The following UNK variants were observed in gnomAD, a reference collection of about 807,000 sequenced individuals.
UNK encodes unk zinc finger, also known as RING finger protein unkempt homolog.
A neutral mutation model predicts 97.6 loss-of-function variants in UNK; 32 were observed. That is an observed-to-expected ratio of 0.33 (90% CI 0.25 to 0.44). UNK has a LOEUF of 0.44. Among genes scored for constraint, UNK ranks in the 20% least tolerant of loss-of-function variants. UNK has a pLI of 1.00. For synonymous variants in UNK, 441 were observed against 461.2 expected (o/e 0.96, Z 0.56); for missense variants, 771 against 1,098.4 (o/e 0.70, Z 4.21).
rs776932753 is a variant in UNK, at chr17:75,823,334, G to A, written c.2089G>A (p.Glu697Lys). The A allele has an allele frequency of 6.0e-5, 96 of 1,611,268 alleles. No homozygotes were observed. Among genetic ancestry groups the A allele is most frequent in the Non-Finnish European group, 7.1e-5 (84 of 1,179,122 alleles). ...ERASAAGAECELAREQRDALE... is the reference protein window; with the variant it reads ...ERASAAGAECKLAREQRDALE... The stretch of plus-strand genomic sequence containing the variant: ...GGCCAGTGCGGCGGGCGCCGAGTGC[G>A]AGCTGGCCCGGGAGCAGCGGGATGC... The change falls in exon 15 of 16, where the codon GAG (glutamate) becomes AAG (lysine). Residue 697 changes from glutamate (E) to lysine (K), a missense_variant. Physicochemically the swap from Glu to Lys is moderately conservative, Grantham distance 56 (BLOSUM62 1). This residue lies in a region of UNK where 208 missense variants were observed against 257.4 expected (regional missense o/e 0.81). Transcript: ENST00000589666.
At chr17:75,821,856 T>G in intron 13 of UNK, 1 of 389,918 alleles carries the variant, frequency 2.6e-6, no homozygotes, top group East Asian at 7.2e-5. Flanking sequence ...GCACGCAGCA[T>G]AGTTGACTGG....
intron 1 of UNK, among the ~76,000 whole-genome samples, chr17:75,789,552 G>A (rs1167762495): frequency 2.6e-5 from 4 of 152,078 alleles, no homozygotes; most frequent in Admixed American, 2.6e-4. Context: ...TAGCCAGGAT[G>A]GTCTCGATCT....
intron 1 of UNK, among the ~76,000 whole-genome samples, chr17:75,809,527 C>T (rs981934145): frequency 4.6e-5 from 7 of 152,232 alleles, no homozygotes; most frequent in African/African-American, 9.6e-5. Context: ...AGCTGACCGC[C>T]GAGGTCCCTG....
At chr17:75,821,216 T>A (rs1380857775) in intron 13 of UNK, 1 of 349,372 alleles carries the variant, frequency 2.9e-6, no homozygotes, top group Non-Finnish European at 5.8e-6. Context: ...CATGCCCAGC[T>A]TCTGGTGGCG....
intron 13 of UNK, chr17:75,821,416 G>A (rs770273493): frequency 4.4e-6 from 2 of 454,658 alleles, no homozygotes; most frequent in Non-Finnish European, 8.9e-6. Context: ...CTGGACAGCA[G>A]AGTCAGGAGA....
intron 2 of UNK, 79 bp from the exon 3 acceptor site, chr17:75,812,033 T>C (rs1418294176): frequency 2.1e-6 from 3 of 1,443,600 alleles, no homozygotes; most frequent in Non-Finnish European, 2.8e-6. Context: ...CAAAAACAGT[T>C]GGGGTAAGGG....
intron 6 of UNK, 82 bp downstream of exon 6, chr17:75,813,960 CCCATCCTGATG>C: frequency 7.8e-7 from 1 of 1,279,340 alleles, no homozygotes; most frequent in Admixed American, 2.3e-5. Flanking sequence ...GTTGGCAGAA[CCCATCCTGATG>C]CCATCCTGGA....
At chr17:75,800,109 T>C (rs919454206) in intron 1 of UNK, among the ~76,000 whole-genome samples, 2 of 152,160 alleles carry the variant, frequency 1.3e-5, no homozygotes, top group Non-Finnish European at 2.9e-5. Context: ...CAGTCTATCC[T>C]CCTGGCTGGA....
intron 1 of UNK, among the ~76,000 whole-genome samples, chr17:75,804,678 A>G (rs962023166): frequency 6.6e-6 from 1 of 151,242 alleles, no homozygotes; most frequent in Non-Finnish European, 1.5e-5. Context: ...GTCTCTACTA[A>G]AAAATACAAA....
In UNK at chr17:75,809,880, C is replaced by A. The variant is rs1466613875; in HGVS notation, c.225C>A (p.Ile75=). Residue 75 remains isoleucine, a synonymous_variant, in exon 2 of 16, where the codon ATC becomes ATA. Coordinates refer to ENST00000589666, the MANE Select transcript of UNK (RefSeq NM_001080419.3). ...HFVNQRRRRS[I]RRRDGTFNYS... Reference sequence around the variant, plus strand: ...TGAACCAGCGGCGCCGCCGGTCCATCCGCCGTCGGGACGGCACCTTCAATT... The same window carrying A: ...TGAACCAGCGGCGCCGCCGGTCCATACGCCGTCGGGACGGCACCTTCAATT... 2 of 1,613,798 alleles carry A rather than the reference C, an allele frequency of 1.2e-6. No homozygotes were observed. Among genetic ancestry groups the A allele is most frequent in the Non-Finnish European group, 1.7e-6 (2 of 1,179,912 alleles).
At chr17:75,799,041 G>A (rs142625890) in intron 1 of UNK, among the ~76,000 whole-genome samples, 3 of 151,962 alleles carry the variant, frequency 2.0e-5, no homozygotes, top group East Asian at 3.9e-4. Flanking sequence ...ACTCCAGTCT[G>A]GGCGATAGTG....
chr17:75,821,909 G>A, intron 13 of UNK: 1 of 348,394 alleles, frequency 2.9e-6, no homozygotes, highest in Non-Finnish European at 5.7e-6. Flanking sequence ...CTGTGTCCTG[G>A]CCCTACCACT....
intron 1 of UNK, among the ~76,000 whole-genome samples, chr17:75,800,467 G>A (rs1306998528): frequency 2.0e-5 from 3 of 151,662 alleles, no homozygotes; most frequent in Non-Finnish European, 4.4e-5. Flanking sequence ...GGCTGGGCGC[G>A]GTGGCTCATG....
chr17:75,818,527 C>A lies in UNK; in HGVS notation c.1372-115C>A. ...GGGGCCCATGTGGGCATGGGGGCAC[C>A]CGGACTAGAGCTAGCACGGGCCATT... On this transcript the variant is annotated intron_variant, in intron 10 of 15. Transcript: ENST00000589666. This position sits in a 1 kb window ranked among gnomAD's most constrained non-coding sequence, Gnocchi z 5.1. 7.9e-7 allele frequency: 1 copy of A among 1,271,252 alleles called. No homozygotes were observed. Among genetic ancestry groups the A allele is most frequent in the Non-Finnish European group, 1.1e-6 (1 of 940,532 alleles). The allele number at this position is 1,271,252 out of a possible 1,614,324, so 78.7% of individuals were successfully genotyped here. A position where few individuals can be genotyped will look rare whatever the true frequency, so the allele number is the denominator to read the frequency against.
At position 75,813,070 on chromosome 17, in the gene UNK, C is replaced by T; in HGVS notation, c.623-8C>T. 1 of 1,583,846 alleles carries T rather than the reference C, an allele frequency of 6.3e-7. No homozygotes were observed. The highest frequency in any genetic ancestry group is 8.6e-7 in the Non-Finnish European group (1 of 1,164,938). ...CACCTGACCCCTGCCCTCTGGCCCC[C>T]TGTGCAGAGACTGCTTATGTGCTGG... On this transcript the variant is annotated splice_region_variant and splice_polypyrimidine_tract_variant and intron_variant, in intron 4 of 15. Transcript: ENST00000589666.
intron 1 of UNK, among the ~76,000 whole-genome samples, chr17:75,798,936 G>A (rs551939118): frequency 1.7e-4 from 26 of 152,060 alleles, no homozygotes; most frequent in African/African-American, 5.3e-4. Flanking sequence ...GCGTGGTGGC[G>A]GGCGCCTGTA....
chr17:75,788,802 A>G (rs1204863688), intron 1 of UNK, among the ~76,000 whole-genome samples: 2 of 152,140 alleles, frequency 1.3e-5, no homozygotes, highest in Non-Finnish European at 2.9e-5. Flanking sequence ...GAGCCACCTC[A>G]CCTGGACTTT....
At position 75,816,905 on chromosome 17, in the gene UNK, T is replaced by A. The variant is rs556555617; in HGVS notation, c.1097T>A (p.Leu366His). 1 of 1,602,850 alleles carries A rather than the reference T, an allele frequency of 6.2e-7. No individual in the cohort carries two copies. The change falls in exon 8 of 16, where the codon CTC becomes CAC. Residue 366 changes from leucine (L) to histidine (H), a missense_variant. By Grantham distance (99) the Leu-to-His change is moderately conservative (BLOSUM62 -3). This residue lies in a region of UNK where 192 missense variants were observed against 202.4 expected (regional missense o/e 0.95). Coordinates refer to ENST00000589666, the MANE Select transcript of UNK (RefSeq NM_001080419.3). This position sits in a 1 kb window ranked among gnomAD's most constrained non-coding sequence, Gnocchi z 4.0. ...VSPSSPHAPD[L>H]SALLCRNSSL... ...CCCTCCAGCCCGCATGCCCCTGACC[T>A]CAGTGCCGTACGTGTCCATCCTGGG...
chr17:75,814,293 G>A (rs1260513226), intron 6 of UNK, among the ~76,000 whole-genome samples: 2 of 151,994 alleles, frequency 1.3e-5, no homozygotes, highest in African/African-American at 2.4e-5. Context: ...CTTGAGGTCA[G>A]GAGTTTGAGA....
Sources: gnomAD v4.1 joint callset for allele counts (sites outside exome capture counted in the v4.1 genomes callset) on GRCh38, gnomAD v4.1.1 for gene constraint, gnomAD v4.1.1 regional missense constraint, Gnocchi (gnomAD v3.1) non-coding constraint, MANE v1.5 for transcripts, NCBI Gene and HGNC (gene_info 2026-07-23, HGNC 2026-07-21) for gene names.